The following ZNF492 variants were observed in gnomAD, a reference collection of about 807,000 sequenced individuals.
The protein encoded by ZNF492 is zinc finger protein 492, also known as zinc finger protein 115 (Y20).
In ZNF492, 3 loss-of-function variants were observed where a neutral mutation model predicts 6.4. The observed-to-expected ratio is 0.47, with a 90% CI of 0.21 to 1.22. The LOEUF is 1.22. Ranked by LOEUF, ZNF492 falls within the 50% of genes most tolerant of loss-of-function variation. ZNF492 has a pLI of 0.22. For synonymous variants in ZNF492, 112 were observed against 205.3 expected, an observed-to-expected ratio of 0.55 and a Z score of 3.89; for missense variants, 356 against 612.5, an observed-to-expected ratio of 0.58 and a Z score of 4.42.
intron 1 of ZNF492, 130 bp downstream of exon 1, chr19:22,634,604 C>A: frequency 9.9e-7 from 1 of 1,012,964 alleles, no homozygotes; most frequent in Non-Finnish European, 1.5e-6. Context: ...TCGCCTTGCC[C>A]AGCCCAGCCT....
chr19:22,644,545 A>G (rs1971858735), intron 1 of ZNF492, among the ~76,000 whole-genome samples: 1 of 152,138 alleles, frequency 6.6e-6, no homozygotes, highest in Non-Finnish European at 1.5e-5. Context: ...ATGTTCCTAC[A>G]AAGGACATGA....
At position 22,665,966 on chromosome 19, in the gene ZNF492, A is replaced by T. The variant is rs73924910; in HGVS notation, c.*701A>T. 6.6e-6 allele frequency: 1 copy of T among 152,088 alleles called. No homozygotes were observed. Among genetic ancestry groups the T allele is most frequent in the African/African-American group, 2.4e-5 (1 of 41,364 alleles). The allele number at this position is 152,088 out of a possible 1,614,324, so 9.4% of individuals were successfully genotyped here. A position where few individuals can be genotyped will look rare whatever the true frequency, so the allele number is the denominator to read the frequency against. ...AAAGTAATCCAAAACTAAACTTGGC[A>T]GAAAAATTATTTGTTTATAACTTTA... On this transcript the variant is annotated 3_prime_UTR_variant, in exon 4 of 4. Coordinates refer to ENST00000456783, the MANE Select transcript of ZNF492 (RefSeq NM_020855.3).
In ZNF492 at chr19:22,665,220, T is replaced by C. The variant is rs1220256763; in HGVS notation, c.1551T>C (p.Ile517=). ...PESCNNACDN[I]AKISKYKRNC... The stretch of plus-strand genomic sequence containing the variant: ...GTTGTAACAATGCTTGTGACAACAT[T>C]GCAAAGATTTCCAAATATAAAAGAA... Residue 517 remains isoleucine (I), a synonymous_variant, in exon 4 of 4, where the codon ATT becomes ATC. Transcript: ENST00000456783. 2 of 1,592,386 alleles carry C rather than the reference T, an allele frequency of 1.3e-6. No homozygotes were observed. The highest frequency in any genetic ancestry group is 1.4e-5 in the African/African-American group (1 of 72,916).
At chr19:22,637,208 A>C (rs1031630823) in intron 1 of ZNF492, among the ~76,000 whole-genome samples, 2 of 150,132 alleles carry the variant, frequency 1.3e-5, no homozygotes, top group Non-Finnish European at 3.0e-5. Flanking sequence ...CGAATTCCTG[A>C]CCTTGTGATC....
chr19:22,652,048 G>A (rs1426764445), intron 1 of ZNF492, among the ~76,000 whole-genome samples: 2 of 152,080 alleles, frequency 1.3e-5, no homozygotes, highest in Non-Finnish European at 2.9e-5. Context: ...CCTTCTGTGT[G>A]CATCAGCACA....
At chr19:22,656,536 G>A (rs2361250) in intron 3 of ZNF492, among the ~76,000 whole-genome samples, 4 of 152,072 alleles carry the variant, frequency 2.6e-5, no homozygotes, top group Non-Finnish European at 4.4e-5. Context: ...CTGAGTCATG[G>A]AACTGCTTCA....
intron 3 of ZNF492, among the ~76,000 whole-genome samples, chr19:22,661,206 A>T: frequency 7.0e-6 from 1 of 143,320 alleles, no homozygotes; most frequent in African/African-American, 2.8e-5. Context: ...TTTACCACCA[A>T]ATTGTTTTTT....
intron 1 of ZNF492, among the ~76,000 whole-genome samples, chr19:22,645,926 T>G (rs1191454860): frequency 6.6e-6 from 1 of 152,202 alleles, no homozygotes; most frequent in Non-Finnish European, 1.5e-5. Flanking sequence ...TACTGTAGTC[T>G]TGTAGTATAG....
chr19:22,652,221 C>CTTTTT (rs59051481), intron 1 of ZNF492, among the ~76,000 whole-genome samples: 5 of 105,508 alleles, frequency 4.7e-5, no homozygotes, highest in South Asian at 2.7e-4. Flanking sequence ...CTTTCTTAGG[C>CTTTTT]TTTTTTTTTT....
intron 1 of ZNF492, among the ~76,000 whole-genome samples, chr19:22,642,967 C>A (rs114210582): frequency 0.034 from 5,185 of 152,136 alleles, 299 homozygotes; most frequent in African/African-American, 0.12. Flanking sequence ...GAAGTACTTA[C>A]AATGCAAAAG....
intron 1 of ZNF492, among the ~76,000 whole-genome samples, chr19:22,650,563 C>T (rs891874771): frequency 6.6e-6 from 1 of 152,038 alleles, no homozygotes; most frequent in Non-Finnish European, 1.5e-5. Flanking sequence ...TCACCTCTCC[C>T]CCTAGGGACT....
chr19:22,648,782 GC>G (rs1425801405), intron 1 of ZNF492, among the ~76,000 whole-genome samples: 1 of 152,118 alleles, frequency 6.6e-6, no homozygotes, highest in Admixed American at 6.5e-5. Context: ...GCTTATTTCT[GC>G]TTTCCATTTG....
At chr19:22,658,228 C>T (rs1328049080) in intron 3 of ZNF492, among the ~76,000 whole-genome samples, 4 of 151,916 alleles carry the variant, frequency 2.6e-5, no homozygotes, top group Non-Finnish European at 5.9e-5. Flanking sequence ...TGAGAACATC[C>T]TGGAAGACAT....
At chr19:22,637,990 A>C (rs1028461740) in intron 1 of ZNF492, among the ~76,000 whole-genome samples, 4 of 151,992 alleles carry the variant, frequency 2.6e-5, no homozygotes, top group Non-Finnish European at 5.9e-5. Context: ...CATTTTTTTT[A>C]TGCTCGTTAA....
intron 1 of ZNF492, among the ~76,000 whole-genome samples, chr19:22,644,419 C>T (rs1410854047): frequency 2.0e-5 from 3 of 152,124 alleles, no homozygotes; most frequent in Non-Finnish European, 4.4e-5. Flanking sequence ...TGTTATTCCC[C>T]TCCCTGTGTC....
intron 1 of ZNF492, among the ~76,000 whole-genome samples, chr19:22,652,859 G>A (rs1331782558): frequency 6.6e-6 from 1 of 152,134 alleles, no homozygotes; most frequent in African/African-American, 2.4e-5. Context: ...GATTACAGGC[G>A]TGAGCCATCG....
rs1476716032 is a variant in ZNF492 at position 22,634,406 on chromosome 19, G to A, written c.-162G>A. 5 of 1,330,346 alleles carry A rather than the reference G, an allele frequency of 3.8e-6. No individual in the cohort carries two copies. In the East Asian group the frequency reaches 1.3e-4, roughly 33 times the overall value. 82.4% of individuals were successfully genotyped at this position (1,330,346 alleles called of 1,614,324 possible). On this transcript the variant is annotated 5_prime_UTR_variant, in exon 1 of 4. Coordinates refer to ENST00000456783, the MANE Select transcript of ZNF492 (RefSeq NM_020855.3). Reference sequence around the variant, plus strand: ...TGGTCCTAGAGGCCCATCCTCTGTGGCCCTGTGACCTGCAGGTATTGGGAG... The same window carrying A: ...TGGTCCTAGAGGCCCATCCTCTGTGACCCTGTGACCTGCAGGTATTGGGAG...
intron 1 of ZNF492, among the ~76,000 whole-genome samples, chr19:22,637,063 T>C (rs62118764): frequency 0.19 from 27,194 of 142,390 alleles, 3,266 homozygotes; most frequent in African/African-American, 0.36. Flanking sequence ...TCAAGCAATT[T>C]TCTTGCCTCA....
chr19:22,647,142 C>T (rs1360235035), intron 1 of ZNF492, among the ~76,000 whole-genome samples: 5 of 152,024 alleles, frequency 3.3e-5, no homozygotes, highest in Non-Finnish European at 7.4e-5. Context: ...CTGCCTGCCT[C>T]GGCCTCCCAA....
Sources: allele counts gnomAD v4.1 joint callset (sites outside exome capture counted in the v4.1 genomes callset), GRCh38; gene constraint gnomAD v4.1.1; transcripts MANE v1.5; gene names NCBI Gene and HGNC (gene_info 2026-07-23, HGNC 2026-07-21).